The following CMIP variants were observed in gnomAD, a reference collection of about 807,000 sequenced individuals.
CMIP encodes the protein c-Maf inducing protein.
A neutral mutation model predicts 97.3 loss-of-function variants in CMIP; 13 were observed. That is an observed-to-expected ratio of 0.13 (90% CI 0.09 to 0.21). The LOEUF is 0.21. Ranked by LOEUF, CMIP falls within the 10% of genes least tolerant of loss-of-function variation. CMIP has a pLI of 1.00. For missense variants in CMIP, 847 were observed against 1,024.9 expected (o/e 0.83, Z 2.37); for synonymous variants, 538 against 436.3 (o/e 1.23, Z -2.91).
intron 5 of CMIP, among the ~76,000 whole-genome samples, chr16:81,658,421 A>G (rs1165625311): frequency 6.6e-6 from 1 of 152,240 alleles, no homozygotes; most frequent in Non-Finnish European, 1.5e-5. Flanking sequence ...CTAGTCCCTA[A>G]GGAGTTCATC....
At chr16:81,508,089 A>C (rs1006163215) in intron 1 of CMIP, among the ~76,000 whole-genome samples, 2 of 152,172 alleles carry the variant, frequency 1.3e-5, no homozygotes, top group African/African-American at 4.8e-5. Context: ...TCCTCCCCCA[A>C]CCTTGTTCTA....
At chr16:81,645,391 C>T (rs1362631307) in intron 3 of CMIP, 5 of 1,446,476 alleles carry the variant, frequency 3.5e-6, no homozygotes, top group Non-Finnish European at 2.7e-6. Context: ...GCTGCGGCAG[C>T]AGCAGAGCAG....
rs78569689 is a variant in CMIP, at chr16:81,521,634, C to T, written c.300+76093C>T. Reference sequence around the variant, plus strand: ...GTCTGTGCGGAGCTTCTTCAAAAAGCCCCTCCCTGGAGTGAATTTTCTTTT... The same window carrying T: ...GTCTGTGCGGAGCTTCTTCAAAAAGTCCCTCCCTGGAGTGAATTTTCTTTT... On this transcript the variant is annotated intron_variant, in intron 1 of 20. Coordinates refer to ENST00000537098, the MANE Select transcript of CMIP (RefSeq NM_198390.3). 1.2e-3 allele frequency among the ~76,000 whole-genome samples: 176 copies of T among 152,262 alleles called. 1 individual carries two copies. The highest frequency in any genetic ancestry group is 4.1e-3 in the African/African-American group (171 of 41,556).
At chr16:81,588,305 TTC>T (rs1211111910) in intron 1 of CMIP, among the ~76,000 whole-genome samples, 2 of 152,186 alleles carry the variant, frequency 1.3e-5, no homozygotes, top group Non-Finnish European at 2.9e-5. Context: ...GATGCCTTTC[TTC>T]TCTCTCTCTT....
intron 3 of CMIP, among the ~76,000 whole-genome samples, chr16:81,647,654 G>T (rs2092378707): frequency 6.6e-6 from 1 of 152,094 alleles, no homozygotes; most frequent in African/African-American, 2.4e-5. Flanking sequence ...CAAAGCTGAG[G>T]GCCAGCCTCC....
chr16:81,704,152 T>G, intron 18 of CMIP, 67 bp downstream of exon 18: 29 of 1,258,030 alleles, frequency 2.3e-5, no homozygotes, highest in Middle Eastern at 2.0e-4. Context: ...CTCCTCCCTA[T>G]TCCCCCGTAC....
intron 1 of CMIP, among the ~76,000 whole-genome samples, chr16:81,492,458 T>C (rs1319373481): frequency 1.3e-5 from 2 of 152,140 alleles, no homozygotes; most frequent in African/African-American, 4.8e-5. Context: ...GCGATGAAGA[T>C]GAAAAAGTGT....
intron 3 of CMIP, among the ~76,000 whole-genome samples, chr16:81,634,016 C>T (rs543714193): frequency 3.9e-5 from 6 of 152,326 alleles, no homozygotes; most frequent in South Asian, 2.1e-4. Flanking sequence ...GATTTTGAAC[C>T]GGTAGCTCAG....
At chr16:81,657,747 C>A in intron 4 of CMIP, 28 bp from the exon 5 acceptor site, 1 of 1,569,660 alleles carries the variant, frequency 6.4e-7, no homozygotes, top group Non-Finnish European at 8.6e-7. Flanking sequence ...TTTTGTTTTC[C>A]TCCTGCTGTC....
chr16:81,692,344 C>A (rs1906183622), intron 11 of CMIP, among the ~76,000 whole-genome samples: 1 of 152,164 alleles, frequency 6.6e-6, no homozygotes, highest in Admixed American at 6.5e-5. Flanking sequence ...AGAAACAGAC[C>A]CTCTGCCTCT....
At chr16:81,499,699 C>G (rs2089559958) in intron 1 of CMIP, among the ~76,000 whole-genome samples, 1 of 152,230 alleles carries the variant, frequency 6.6e-6, no homozygotes, top group Non-Finnish European at 1.5e-5. Flanking sequence ...CCAAAGGCTT[C>G]CTGAGAAGTG....
chr16:81,655,526 CA>C lies in CMIP; in HGVS notation c.640-2248del, dbSNP rs573323805. ...GTGGCTATTGGTGGACATGCTCTAC[CA>C]GGGGTGGAAAATGGCCCTGGGGGAG... is the stretch of plus-strand genomic sequence containing the variant. On this transcript the variant is annotated intron_variant, in intron 4 of 20. Transcript: ENST00000537098. The surrounding 1 kb of genome is among the most constrained non-coding windows in gnomAD (Gnocchi z 4.9). Among the ~76,000 whole-genome samples the C allele has an allele frequency of 1.9e-4, 29 of 152,302 alleles. No homozygotes were observed. The highest frequency in any genetic ancestry group is 1.6e-3 in the Admixed American group (24 of 15,298).
At chr16:81,603,086 TG>T (rs2091684042) in intron 1 of CMIP, among the ~76,000 whole-genome samples, 1 of 152,118 alleles carries the variant, frequency 6.6e-6, no homozygotes, top group Non-Finnish European at 1.5e-5. Context: ...TGTTTGGTTT[TG>T]TTTTGTTTTT....
intron 3 of CMIP, among the ~76,000 whole-genome samples, chr16:81,640,319 AC>A (rs2092289151): frequency 6.9e-6 from 1 of 145,856 alleles, no homozygotes; most frequent in Non-Finnish European, 1.5e-5. Flanking sequence ...GGGAAAGAAA[AC>A]CCAACCAATT....
Position 81,678,570 on chromosome 16 carries a change from G to C in CMIP, c.1330G>C (p.Glu444Gln), listed in dbSNP as rs763187062. The C allele has an allele frequency of 6.2e-7, 1 of 1,607,778 alleles. No individual in the cohort carries two copies. Among genetic ancestry groups the C allele is most frequent in the Non-Finnish European group, 8.5e-7 (1 of 1,177,814 alleles). The change falls in exon 10 of 21, where the codon GAG (glutamate) becomes CAG (glutamine). Residue 444 changes from glutamate to glutamine, a missense_variant. By Grantham distance (29) the Glu-to-Gln change is conservative (BLOSUM62 2). Transcript: ENST00000537098. The stretch of plus-strand genomic sequence containing the variant: ...CCCCGCCTGCAGCACCATGAGCATC[G>C]AGCTGGGCCCCCAGGCCGACCGCAC... ...VSPACSTMSIELGPQADRTLG... is the reference protein window; with the variant it reads ...VSPACSTMSIQLGPQADRTLG...
intron 7 of CMIP, among the ~76,000 whole-genome samples, chr16:81,668,292 G>GA (rs1196946054): frequency 6.6e-6 from 1 of 152,146 alleles, no homozygotes; most frequent in Non-Finnish European, 1.5e-5. Flanking sequence ...GACACAGCCC[G>GA]AGGGGCTGGC....
intron 10 of CMIP, among the ~76,000 whole-genome samples, chr16:81,679,804 C>G (rs1904684202): frequency 6.6e-6 from 1 of 152,110 alleles, no homozygotes; most frequent in African/African-American, 2.4e-5. Flanking sequence ...TCCACACGCT[C>G]CACCTGACAC....
At chr16:81,654,668 C>T (rs2092463971) in intron 4 of CMIP, among the ~76,000 whole-genome samples, 1 of 152,196 alleles carries the variant, frequency 6.6e-6, no homozygotes, top group African/African-American at 2.4e-5. Context: ...TCCCCAGTTT[C>T]TCCCAAGGAC....
intron 2 of CMIP, among the ~76,000 whole-genome samples, chr16:81,610,032 C>T (rs1597143208): frequency 6.6e-6 from 1 of 152,162 alleles, no homozygotes; most frequent in African/African-American, 2.4e-5. Flanking sequence ...GAGGGAGCCC[C>T]TTGAAACATT....
Sources: gnomAD v4.1 joint callset for allele counts (sites outside exome capture counted in the v4.1 genomes callset) on GRCh38, gnomAD v4.1.1 for gene constraint, Gnocchi (gnomAD v3.1) non-coding constraint, MANE v1.5 for transcripts, NCBI Gene and HGNC (gene_info 2026-07-23, HGNC 2026-07-21) for gene names.